AOAH: variants seen among roughly 807,000 people sequenced by gnomAD.
AOAH encodes acyloxyacyl hydrolase.
A neutral mutation model predicts 92.2 loss-of-function variants in AOAH; 64 were observed. That is an observed-to-expected ratio of 0.69 (90% CI 0.57 to 0.86). AOAH has a LOEUF of 0.86. Ranked by LOEUF, AOAH falls within the 40% of genes least tolerant of loss-of-function variation. AOAH has a pLI of 0.00. For synonymous variants in AOAH, 263 were observed against 254.5 expected (o/e 1.03, Z -0.32); for missense variants, 656 against 694.6 (o/e 0.94, Z 0.62).
At chr7:36,524,512 A>C (rs1376151185) in intron 19 of AOAH, among the ~76,000 whole-genome samples, 2 of 151,274 alleles carry the variant, frequency 1.3e-5, no homozygotes, top group Non-Finnish European at 2.9e-5. Context: ...TAAAAAAAAA[A>C]AAAACAAAAA....
intron 4 of AOAH, among the ~76,000 whole-genome samples, chr7:36,638,957 C>T (rs73689504): frequency 0.032 from 4,823 of 152,262 alleles, 252 homozygotes; most frequent in African/African-American, 0.11. Context: ...CTTCCTTGGA[C>T]TCTCCCAGGC....
At chr7:36,524,626 A>G (rs1399287477) in intron 19 of AOAH, among the ~76,000 whole-genome samples, 1 of 152,106 alleles carries the variant, frequency 6.6e-6, no homozygotes, top group African/African-American at 2.4e-5. Context: ...TAGTGAGCCA[A>G]GATTGCGCCA....
intron 1 of AOAH, among the ~76,000 whole-genome samples, chr7:36,715,673 T>C (rs1799108682): frequency 7.0e-6 from 1 of 142,854 alleles, no homozygotes; most frequent in Non-Finnish European, 1.5e-5. Context: ...TAATGCCACA[T>C]ATCTACAACT....
At chr7:36,646,255 C>T (rs1794218810) in intron 4 of AOAH, among the ~76,000 whole-genome samples, 1 of 152,140 alleles carries the variant, frequency 6.6e-6, no homozygotes, top group Non-Finnish European at 1.5e-5. Context: ...ATCCAAGACC[C>T]GGTGCTGAGT....
At chr7:36,554,361 G>A (rs1328489472) in intron 13 of AOAH, among the ~76,000 whole-genome samples, 3 of 152,326 alleles carry the variant, frequency 2.0e-5, no homozygotes, top group Admixed American at 6.5e-5. Context: ...TTTGGTACCA[G>A]TACCATGCTG....
intron 1 of AOAH, among the ~76,000 whole-genome samples, chr7:36,696,647 G>T (rs928756599): frequency 6.6e-6 from 1 of 152,038 alleles, no homozygotes; most frequent in Non-Finnish European, 1.5e-5. Context: ...GGATCATGAG[G>T]TCAGGAGTTC....
intron 1 of AOAH, among the ~76,000 whole-genome samples, chr7:36,717,009 TA>T (rs1799239570): frequency 6.8e-6 from 1 of 147,286 alleles, no homozygotes; most frequent in Non-Finnish European, 1.5e-5. Context: ...AATAAATAAA[TA>T]AATAAATAAA....
chr7:36,586,076 C>T (rs1229851042), intron 12 of AOAH, among the ~76,000 whole-genome samples: 2 of 152,226 alleles, frequency 1.3e-5, no homozygotes, highest in South Asian at 4.2e-4. Context: ...CTCCTTATGC[C>T]TGGGTCCCAT....
Position 36,514,404 on chromosome 7 carries a change from T to C in AOAH, c.1600-1024A>G, listed in dbSNP as rs1790217850. On this transcript the variant is annotated intron_variant, in intron 20 of 20. Coordinates refer to ENST00000617537, the MANE Select transcript of AOAH (RefSeq NM_001637.4). The stretch of plus-strand genomic sequence containing the variant: ...GTGAGGGCAGGGAGTCTGGCTGAAG[T>C]GCCAGAGAGGAATCCTTAGCTTAAT... 1.6e-5 allele frequency: 19 copies of C among 1,222,544 alleles called. No homozygotes were observed. The East Asian group carries it at 4.8e-4, about 31-fold the overall frequency. 75.7% of individuals were successfully genotyped at this position (1,222,544 alleles called of 1,614,324 possible).
chr7:36,674,086 G>C (rs1342239439), intron 2 of AOAH, 77 bp from the exon 3 acceptor site: 1 of 806,260 alleles, frequency 1.2e-6, no homozygotes, highest in African/African-American at 1.7e-5. Flanking sequence ...GATTATCTTT[G>C]CTAGGAACTG....
chr7:36,528,245 G>T (rs905027156), intron 19 of AOAH, among the ~76,000 whole-genome samples: 8 of 152,216 alleles, frequency 5.3e-5, no homozygotes, highest in Non-Finnish European at 1.0e-4. Context: ...ACTGTTGATG[G>T]GAATCGCCAA....
At chr7:36,622,656 T>C (rs1478020145) in intron 7 of AOAH, among the ~76,000 whole-genome samples, 1 of 152,202 alleles carries the variant, frequency 6.6e-6, no homozygotes, top group Non-Finnish European at 1.5e-5. Flanking sequence ...ATAGCCCCCA[T>C]GGAGACTTCC....
intron 20 of AOAH, among the ~76,000 whole-genome samples, chr7:36,519,280 G>A (rs1041897373): frequency 2.0e-5 from 3 of 152,188 alleles, no homozygotes; most frequent in African/African-American, 7.2e-5. Context: ...CACACTGAGC[G>A]CTTTTATTTC....
chr7:36,582,964 C>T (rs1184490399), intron 12 of AOAH, among the ~76,000 whole-genome samples: 2 of 152,080 alleles, frequency 1.3e-5, no homozygotes, highest in Non-Finnish European at 2.9e-5. Flanking sequence ...CCTGTCCCAG[C>T]CTCCTGAGTA....
rs1786653485 is a variant in AOAH at position 36,555,707 on chromosome 7, G to A, written c.1022-6232C>T. Among the ~76,000 whole-genome samples, 6 of 152,150 alleles carry A rather than the reference G, an allele frequency of 3.9e-5. No individual in the cohort carries two copies. In the South Asian group the frequency reaches 1.2e-3, roughly 31 times the overall value. On this transcript the variant is annotated intron_variant, in intron 13 of 20. Transcript: ENST00000617537. Reference sequence around the variant, plus strand: ...AGAGATTCAACTTCTTCCTGGTTTAGTCTTGGGAGAGCGTATGTGTCAAGG... The same window carrying A: ...AGAGATTCAACTTCTTCCTGGTTTAATCTTGGGAGAGCGTATGTGTCAAGG...
intron 11 of AOAH, among the ~76,000 whole-genome samples, chr7:36,602,127 G>A (rs1037258214): frequency 1.3e-5 from 2 of 152,128 alleles, no homozygotes; most frequent in Non-Finnish European, 2.9e-5. Flanking sequence ...AAAGCTTATG[G>A]GGGCAGTGAA....
intron 20 of AOAH, among the ~76,000 whole-genome samples, chr7:36,517,192 T>TTCTC (rs1562853720): frequency 2.8e-4 from 19 of 67,726 alleles, no homozygotes; most frequent in African/African-American, 9.9e-4. Flanking sequence ...CTTTCTTTCT[T>TTCTC]TCTTTCTTTC....
At position 36,718,993 on chromosome 7, in the gene AOAH, C is replaced by G. The variant is rs1639107621; in HGVS notation, c.127+5029G>C. On this transcript the variant is annotated intron_variant, in intron 1 of 20. Coordinates refer to ENST00000617537, the MANE Select transcript of AOAH (RefSeq NM_001637.4). ...AACAATATGGGAAAAATATTTTACC[C>G]TGATTTAATCACATCAACAATAACA... 2.6e-5 allele frequency among the ~76,000 whole-genome samples: 4 copies of G among 152,246 alleles called. No homozygotes were observed. The Middle Eastern group carries it at 0.01, about 391-fold the overall frequency.
At chr7:36,562,533 G>A (rs1787349477) in intron 13 of AOAH, among the ~76,000 whole-genome samples, 1 of 152,178 alleles carries the variant, frequency 6.6e-6, no homozygotes, top group Non-Finnish European at 1.5e-5. Context: ...TGTCTCCAAT[G>A]ACGAGAAGAA....
Sources: allele counts gnomAD v4.1 joint callset (sites outside exome capture counted in the v4.1 genomes callset), GRCh38; gene constraint gnomAD v4.1.1; transcripts MANE v1.5; gene names NCBI Gene and HGNC (gene_info 2026-07-23, HGNC 2026-07-21).